CNTN5: variants seen among roughly 807,000 people sequenced by gnomAD.
The protein encoded by CNTN5 is contactin 5, also known as contactin-5.
In CNTN5, 77 loss-of-function variants were observed where a neutral mutation model predicts 129.1. The ratio of observed to expected loss-of-function variants is 0.60; its 90% CI spans 0.50 to 0.72. CNTN5 has a LOEUF of 0.72. CNTN5 is among the 30% of genes least tolerant of loss of function. The pLI is 0.00. For missense variants in CNTN5, 1,478 were observed against 1,328.8 expected (o/e 1.11, Z -1.75); for synonymous variants, 509 against 465.6 (o/e 1.09, Z -1.20).
chr11:99,073,899 G>A (rs1185062640), intron 1 of CNTN5, among the ~76,000 whole-genome samples: 2 of 150,272 alleles, frequency 1.3e-5, no homozygotes, highest in African/African-American at 5.0e-5. Flanking sequence ...TCAGTAATGG[G>A]ATTGCTGGGT....
At chr11:99,789,893 C>T (rs1945676952) in intron 3 of CNTN5, among the ~76,000 whole-genome samples, 1 of 151,872 alleles carries the variant, frequency 6.6e-6, no homozygotes. Context: ...GGCATACTAC[C>T]CAATAGCTAG....
At chr11:99,600,643 A>G (rs585248) in intron 3 of CNTN5, among the ~76,000 whole-genome samples, 147,929 of 152,224 alleles carry the variant, frequency 0.97, 72,017 homozygotes, top group East Asian at 1. Flanking sequence ...CCAGCCCTCT[A>G]CAACTATAAT....
At chr11:100,156,883 CTCTT>C (rs1050252237) in intron 13 of CNTN5, among the ~76,000 whole-genome samples, 1 of 151,716 alleles carries the variant, frequency 6.6e-6, no homozygotes, top group Non-Finnish European at 1.5e-5. Flanking sequence ...TGATTCTTCT[CTCTT>C]TATCAGTCTG....
At chr11:100,041,944 A>G (rs753209616) in intron 9 of CNTN5, among the ~76,000 whole-genome samples, 1 of 152,208 alleles carries the variant, frequency 6.6e-6, no homozygotes, top group Non-Finnish European at 1.5e-5. Flanking sequence ...TGAGTCAAGA[A>G]TCAGAAAGGA....
chr11:99,631,492 T>C (rs1209536229), intron 3 of CNTN5, among the ~76,000 whole-genome samples: 3 of 151,880 alleles, frequency 2.0e-5, no homozygotes, highest in Non-Finnish European at 4.4e-5. Flanking sequence ...ATGCTGAAAA[T>C]TGTAGTTAAA....
At chr11:99,176,045 G>T (rs906849571) in intron 1 of CNTN5, among the ~76,000 whole-genome samples, 1 of 152,112 alleles carries the variant, frequency 6.6e-6, no homozygotes, top group Non-Finnish European at 1.5e-5. Context: ...TTTCTGGACG[G>T]TTTATTTGCT....
At chr11:99,512,229 C>T (rs1214710020) in intron 2 of CNTN5, among the ~76,000 whole-genome samples, 1 of 152,130 alleles carries the variant, frequency 6.6e-6, no homozygotes, top group East Asian at 1.9e-4. Context: ...ACCTTTAATA[C>T]ATTTAGATAC....
intron 6 of CNTN5, among the ~76,000 whole-genome samples, chr11:99,891,216 T>C (rs1162949879): frequency 6.6e-6 from 1 of 152,196 alleles, no homozygotes; most frequent in African/African-American, 2.4e-5. Flanking sequence ...GATAAGGGAA[T>C]CTGGATGTGG....
intron 3 of CNTN5, among the ~76,000 whole-genome samples, chr11:99,633,676 C>G (rs1951445844): frequency 6.6e-6 from 1 of 152,174 alleles, no homozygotes; most frequent in Non-Finnish European, 1.5e-5. Flanking sequence ...GAGATATACC[C>G]TCGGTGCTAT....
intron 2 of CNTN5, among the ~76,000 whole-genome samples, chr11:99,408,816 T>A (rs2134996957): frequency 6.6e-6 from 1 of 152,336 alleles, no homozygotes; most frequent in East Asian, 1.9e-4. Flanking sequence ...AAGAAAAATA[T>A]ACTGTGTAGT....
At chr11:99,556,876 C>G (rs1948691649) in intron 3 of CNTN5, among the ~76,000 whole-genome samples, 1 of 150,466 alleles carries the variant, frequency 6.6e-6, no homozygotes, top group Non-Finnish European at 1.5e-5. Context: ...TACTTTATTC[C>G]GAAGAAAAGT....
intron 13 of CNTN5, among the ~76,000 whole-genome samples, chr11:100,103,843 AC>A (rs1170012655): frequency 1.1e-4 from 16 of 152,172 alleles, no homozygotes; most frequent in Non-Finnish European, 2.2e-4. Flanking sequence ...CTTATCAGCA[AC>A]TTCCATAGGC....
chr11:99,306,197 C>T (rs1181240514), intron 1 of CNTN5, among the ~76,000 whole-genome samples: 2 of 152,056 alleles, frequency 1.3e-5, no homozygotes, highest in African/African-American at 2.4e-5. Context: ...AGCTTTGTAA[C>T]ACAGTAGAAG....
intron 2 of CNTN5, among the ~76,000 whole-genome samples, chr11:99,481,099 AT>A (rs199836537): frequency 1.4e-4 from 22 of 151,912 alleles, no homozygotes; most frequent in African/African-American, 3.6e-4. Context: ...GAGGATTGGC[AT>A]TTAAAAAAAA....
At chr11:99,396,692 T>G (rs1368861924) in intron 2 of CNTN5, among the ~76,000 whole-genome samples, 2 of 151,732 alleles carry the variant, frequency 1.3e-5, no homozygotes, top group Non-Finnish European at 3.0e-5. Context: ...AAATTTGTAT[T>G]TAGCGGTACT....
intron 8 of CNTN5, among the ~76,000 whole-genome samples, chr11:99,957,701 T>G (rs937950464): frequency 1.3e-5 from 2 of 152,146 alleles, no homozygotes; most frequent in Non-Finnish European, 2.9e-5. Context: ...TTAAGAAGCA[T>G]GAGAATCCTG....
intron 13 of CNTN5, among the ~76,000 whole-genome samples, chr11:100,146,093 T>C (rs1405604836): frequency 1.3e-5 from 2 of 152,190 alleles, no homozygotes; most frequent in Non-Finnish European, 2.9e-5. Context: ...TACCGCTGTA[T>C]AAATATAAGC....
chr11:99,693,872 A>T (rs1360300957), intron 3 of CNTN5, among the ~76,000 whole-genome samples: 2 of 152,102 alleles, frequency 1.3e-5, no homozygotes, highest in African/African-American at 4.8e-5. Flanking sequence ...TACATTCCCT[A>T]TTGATGAAGG....
intron 7 of CNTN5, among the ~76,000 whole-genome samples, chr11:99,918,193 C>T (rs189149930): frequency 6.6e-6 from 1 of 152,094 alleles, no homozygotes; most frequent in Non-Finnish European, 1.5e-5. Context: ...TTCTTTTATA[C>T]AGCTTCAATT....
Sources: gnomAD v4.1 joint callset for allele counts (sites outside exome capture counted in the v4.1 genomes callset) on GRCh38, gnomAD v4.1.1 for gene constraint, MANE v1.5 for transcripts, NCBI Gene and HGNC (gene_info 2026-07-23, HGNC 2026-07-21) for gene names.